The following TARBP1 variants were observed in gnomAD, a reference collection of about 807,000 sequenced individuals.
TARBP1 encodes tRNA guanosine 2 -O-methyltransferase TARBP1.
In TARBP1, 144 loss-of-function variants were observed where a neutral mutation model predicts 178.6. The ratio of observed to expected loss-of-function variants is 0.81; its 90% CI spans 0.70 to 0.93. The LOEUF (loss-of-function observed/expected upper bound fraction) is 0.93. Among genes scored for constraint, TARBP1 ranks in the 40% least tolerant of loss-of-function variants. TARBP1 has a pLI of 0.00. For synonymous variants in TARBP1, 787 were observed against 781.0 expected (o/e 1.01, Z -0.13); for missense variants, 2,067 against 2,011.7 (o/e 1.03, Z -0.53).
At chr1:234,446,319 G>A (rs924217258) in intron 12 of TARBP1, among the ~76,000 whole-genome samples, 5 of 152,076 alleles carry the variant, frequency 3.3e-5, no homozygotes, top group Non-Finnish European at 5.9e-5. Context: ...TCTCTGTGAA[G>A]TATTTTCTAC....
rs1191223878 is a variant in TARBP1 at position 234,478,400 on chromosome 1, G to A, written c.704C>T (p.Ala235Val). ...CTCGGGCAACAGCTTCTCGGCCAGG[G>A]CGCTCAGGACCAGCAGCTTCTCCTC... ...RVEEKLLVLSALAEKLLPEPG... is the reference protein window; with the variant it reads ...RVEEKLLVLSVLAEKLLPEPG... Residue 235 changes from alanine (A) to valine (V), a missense_variant, in exon 1 of 30, where the codon GCC becomes GTC. Coordinates refer to ENST00000040877, the MANE Select transcript of TARBP1 (RefSeq NM_005646.4). 12 of 1,360,108 alleles carry A rather than the reference G, an allele frequency of 8.8e-6. 1 individual carries two copies. The Admixed American group carries it at 3.4e-4, about 38-fold the overall frequency. The allele number at this position is 1,360,108 out of a possible 1,614,324, so 84.3% of individuals were successfully genotyped here. A position where few individuals can be genotyped will look rare whatever the true frequency, so the allele number is the denominator to read the frequency against.
intron 9 of TARBP1, among the ~76,000 whole-genome samples, chr1:234,453,323 T>TTG (rs200686739): frequency 0.035 from 4,098 of 118,268 alleles, 60 homozygotes; most frequent in South Asian, 0.071. Context: ...TGTACTTTTT[T>TTG]TGTGTGTTTT....
At chr1:234,472,329 C>CAAAAAAAA (rs1160411119) in intron 2 of TARBP1, among the ~76,000 whole-genome samples, 1 of 46,078 alleles carries the variant, frequency 2.2e-5, no homozygotes, top group Non-Finnish European at 4.3e-5. Context: ...ACTCTGTCTC[C>CAAAAAAAA]AAAAAAAAAA....
chr1:234,478,510 C>A lies in TARBP1; in HGVS notation c.594G>T (p.Val198=). 7.2e-7 allele frequency: 1 copy of A among 1,387,642 alleles called. No homozygotes were observed. Among genetic ancestry groups the A allele is most frequent in the Non-Finnish European group, 9.4e-7 (1 of 1,067,582 alleles). 86.0% of individuals were successfully genotyped at this position (1,387,642 alleles called of 1,614,324 possible). ...AALVAGRLLP[V]LVQCGGAALR... is the part of the protein sequence containing the mutation. The stretch of plus-strand genomic sequence containing the variant: ...GCGCCGCCCCGCCACATTGGACCAG[C>A]ACTGGCAGCAGTCGCCCGGCCACCA... Residue 198 remains valine, a synonymous_variant, in exon 1 of 30, where the codon GTG becomes GTT. Transcript: ENST00000040877.
At chr1:234,436,204 T>C (rs1334856662) in intron 13 of TARBP1, among the ~76,000 whole-genome samples, 1 of 152,184 alleles carries the variant, frequency 6.6e-6, no homozygotes, top group Non-Finnish European at 1.5e-5. Context: ...CATATAAGCA[T>C]AAGGGAGGGT....
rs556068118 is a variant in TARBP1, at chr1:234,415,385, G to A, written c.3705+2699C>T. Among the ~76,000 whole-genome samples the A allele has an allele frequency of 2.6e-5, 4 of 152,246 alleles. No individual in the cohort carries two copies. The South Asian group carries it at 6.2e-4, about 24-fold the overall frequency. On this transcript the variant is annotated intron_variant, in intron 22 of 29. Transcript: ENST00000040877. ...CTAGAGAAGATTTAGGTATTCCTAG[G>A]TGGCAACTGTTATTTTCTCTAAAAA...
chr1:234,429,291 ACT>A lies in TARBP1; in HGVS notation c.2903_2904del (p.Glu968ValfsTer3), dbSNP rs1664135518. 6.3e-7 allele frequency: 1 copy of A among 1,593,534 alleles called. No homozygotes were observed. Among genetic ancestry groups the A allele is most frequent in the Non-Finnish European group, 8.5e-7 (1 of 1,175,090 alleles). On this transcript the variant is annotated frameshift_variant, in exon 17 of 30. Transcript: ENST00000040877. LOFTEE classifies it high-confidence loss of function. ...LLTSSESLCI[E>X]SFDMAWKIIS... ...ATAATTTTCCACGCCATGTCAAAAGACTCTATGCAGAGTGATTCAGAGGAAGT... is the reference window on the plus strand; with the variant it reads ...ATAATTTTCCACGCCATGTCAAAAGACTATGCAGAGTGATTCAGAGGAAGT...
At chr1:234,454,908 T>G (rs1667130823) in intron 9 of TARBP1, among the ~76,000 whole-genome samples, 1 of 152,192 alleles carries the variant, frequency 6.6e-6, no homozygotes, top group African/African-American at 2.4e-5. Flanking sequence ...GGGGGCCCAA[T>G]GTAATCCTAA....
intron 1 of TARBP1, among the ~76,000 whole-genome samples, chr1:234,474,311 A>C (rs964365692): frequency 1.3e-5 from 2 of 151,888 alleles, no homozygotes; most frequent in Admixed American, 6.6e-5. Flanking sequence ...AAAAAAAAAA[A>C]CTCAATCCAA....
intron 21 of TARBP1, among the ~76,000 whole-genome samples, chr1:234,418,988 C>T (rs568649524): frequency 1.8e-4 from 28 of 152,020 alleles, no homozygotes; most frequent in African/African-American, 4.3e-4. Context: ...CTGGCTAACA[C>T]GGTGAAACCC....
rs1256898750 is a variant in TARBP1 at position 234,400,997 on chromosome 1, G to A, written c.4071+184C>T. The stretch of plus-strand genomic sequence containing the variant: ...ACTAGCCAATTTTCACTGCTTAAGA[G>A]TGAAATGAAAGCAAGTCATCTGCAT... On this transcript the variant is annotated intron_variant, in intron 25 of 29. Coordinates refer to ENST00000040877, the MANE Select transcript of TARBP1 (RefSeq NM_005646.4). The A allele has an allele frequency of 1.7e-5, 8 of 478,874 alleles. No individual in the cohort carries two copies. In the East Asian group the frequency reaches 2.8e-4, roughly 17 times the overall value. The allele number at this position is 478,874 out of a possible 1,614,324, so 29.7% of individuals were successfully genotyped here.
intron 1 of TARBP1, 152 bp downstream of exon 1, chr1:234,478,021 G>A (rs1410592258): frequency 1.4e-6 from 1 of 726,124 alleles, no homozygotes; most frequent in Non-Finnish European, 2.2e-6. Context: ...GGGTTCCAAA[G>A]GTTTTCAGGC....
intron 20 of TARBP1, among the ~76,000 whole-genome samples, chr1:234,421,135 C>G (rs753082940): frequency 2.0e-5 from 3 of 152,178 alleles, no homozygotes; most frequent in Non-Finnish European, 4.4e-5. Flanking sequence ...GTTGCCCAGG[C>G]TGGAGTGCAA....
intron 23 of TARBP1, among the ~76,000 whole-genome samples, chr1:234,409,507 T>C (rs1383493103): frequency 2.0e-5 from 3 of 152,222 alleles, no homozygotes; most frequent in African/African-American, 7.2e-5. Context: ...AGAGCCTTCT[T>C]GATCTTACGG....
At chr1:234,413,202 G>A (rs539601876) in intron 22 of TARBP1, among the ~76,000 whole-genome samples, 7 of 152,314 alleles carry the variant, frequency 4.6e-5, no homozygotes, top group Admixed American at 4.6e-4. Flanking sequence ...AAACTGCCCA[G>A]CCAGGCCCAG....
At chr1:234,419,617 C>T (rs909194390) in intron 21 of TARBP1, among the ~76,000 whole-genome samples, 2 of 152,172 alleles carry the variant, frequency 1.3e-5, no homozygotes, top group South Asian at 4.1e-4. Flanking sequence ...CATTACCCTT[C>T]TCTCTAGGAG....
chr1:234,393,812 G>C lies in TARBP1; in HGVS notation c.4269C>G (p.Asn1423Lys). 2 of 1,612,600 alleles carry C rather than the reference G, an allele frequency of 1.2e-6. No individual in the cohort carries two copies. The highest frequency in any genetic ancestry group is 1.7e-6 in the Non-Finnish European group (2 of 1,179,206). Residue 1423 changes from asparagine to lysine, a missense_variant, in exon 27 of 30, where the codon AAC becomes AAG. Asn to Lys is a moderately conservative substitution (Grantham distance 94). Transcript: ENST00000040877. ...DIGTNLVEAD[N>K]QAEWTDVQKK... Reference sequence around the variant, plus strand: ...TCTGAACGTCGGTCCACTCCGCTTGGTTATCTGCTTCGACCAAATTAGTAC... The same window carrying C: ...TCTGAACGTCGGTCCACTCCGCTTGCTTATCTGCTTCGACCAAATTAGTAC...
At chr1:234,406,155 A>C in intron 23 of TARBP1, 56 bp from the exon 24 acceptor site, 19 of 1,498,006 alleles carry the variant, frequency 1.3e-5, no homozygotes, top group Non-Finnish European at 1.7e-5. Flanking sequence ...TTTTACTCTC[A>C]CTTGTATGAC....
intron 7 of TARBP1, 67 bp downstream of exon 7, chr1:234,460,194 G>T (rs1667706165): frequency 1.3e-6 from 2 of 1,491,822 alleles, no homozygotes; most frequent in Non-Finnish European, 9.0e-7. Context: ...AAGCAGAGGA[G>T]AAAATATATA....
Sources: allele counts gnomAD v4.1 joint callset (sites outside exome capture counted in the v4.1 genomes callset), GRCh38; gene constraint gnomAD v4.1.1; transcripts MANE v1.5; gene names NCBI Gene and HGNC (gene_info 2026-07-23, HGNC 2026-07-21).